Variants in DLG2 observed in about 807,000 individuals in gnomAD.
DLG2 encodes the protein discs large MAGUK scaffold protein 2.
Under a neutral mutation model 132.5 loss-of-function variants are expected in DLG2, and 45 were observed. The ratio of observed to expected loss-of-function variants is 0.34; its 90% CI spans 0.27 to 0.44. DLG2 has a LOEUF of 0.44. Ranked by LOEUF, DLG2 falls within the 20% of genes least tolerant of loss-of-function variation. The pLI is 1.00. For missense variants in DLG2, 1,045 were observed against 1,196.9 expected, an observed-to-expected ratio of 0.87 and a Z score of 1.87; for synonymous variants, 424 against 419.6, an observed-to-expected ratio of 1.01 and a Z score of -0.13.
At chr11:83,533,739 G>T (rs1347883769) in intron 20 of DLG2, among the ~76,000 whole-genome samples, 5 of 152,168 alleles carry the variant, frequency 3.3e-5, no homozygotes, top group Admixed American at 3.3e-4. Flanking sequence ...ATAGGATAGG[G>T]CAGTGAGGCT....
At chr11:85,540,499 T>C (rs2081445) in intron 3 of DLG2, among the ~76,000 whole-genome samples, 34,900 of 151,978 alleles carry the variant, frequency 0.23, 4,439 homozygotes, top group East Asian at 0.41. Context: ...TCCATCCCCC[T>C]CTGGCCTCCC....
rs7945664 is a variant in DLG2, at chr11:83,516,751, C to T, written c.2193+15957G>A. Among the ~76,000 whole-genome samples the T allele has an allele frequency of 9.9e-3, 1,510 of 152,208 alleles. 19 individuals are homozygous for T. Among genetic ancestry groups the T allele is most frequent in the African/African-American group, 0.034 (1,395 of 41,504 alleles). On this transcript the variant is annotated intron_variant, in intron 21 of 27. Coordinates refer to ENST00000376104, the MANE Select transcript of DLG2 (RefSeq NM_001142699.3). ...ACAAAATCTCTCAGCATTTGCTTGT[C>T]TGTAAAGTATTTTATTTCTCCTTCA...
intron 7 of DLG2, among the ~76,000 whole-genome samples, chr11:84,528,933 G>A (rs7933597): frequency 0.9 from 136,998 of 152,294 alleles, 61,734 homozygotes; most frequent in East Asian, 0.95. Context: ...GAGCTCACTC[G>A]TACTAGCTCA....
At chr11:85,306,326 A>G (rs1349014119) in intron 3 of DLG2, among the ~76,000 whole-genome samples, 1 of 152,196 alleles carries the variant, frequency 6.6e-6, no homozygotes, top group African/African-American at 2.4e-5. Context: ...GCAAAGAGAA[A>G]GGGCCTTTCT....
At position 85,372,853 on chromosome 11, in the gene DLG2, C is replaced by G. The variant is rs139313196; in HGVS notation, c.41-87488G>C. Among the ~76,000 whole-genome samples, 141 of 152,278 alleles carry G rather than the reference C, an allele frequency of 9.3e-4. 3 individuals carry two copies. In the East Asian group the frequency reaches 0.025, roughly 27 times the overall value. ...TCTCTCCCTGAAGTACCCCTGGTATCTGTTAGGAAGAGAAGAGAACCAGGG... is the reference window on the plus strand; with the variant it reads ...TCTCTCCCTGAAGTACCCCTGGTATGTGTTAGGAAGAGAAGAGAACCAGGG... On this transcript the variant is annotated intron_variant, in intron 3 of 27. Transcript: ENST00000376104.
chr11:85,495,427 A>T (rs1396775464), intron 3 of DLG2, among the ~76,000 whole-genome samples: 2 of 152,216 alleles, frequency 1.3e-5, no homozygotes, highest in Non-Finnish European at 2.9e-5. Context: ...GAACTTAAAC[A>T]AATTTAAAAG....
intron 8 of DLG2, among the ~76,000 whole-genome samples, chr11:84,182,634 G>C (rs1251917347): frequency 6.6e-6 from 1 of 152,098 alleles, no homozygotes; most frequent in African/African-American, 2.4e-5. Flanking sequence ...AGCATCGAAT[G>C]AATGTATATA....
intron 16 of DLG2, among the ~76,000 whole-genome samples, chr11:83,855,344 GTCCACAAAAAAACCT>G (rs2060365734): frequency 2.6e-5 from 4 of 152,124 alleles, no homozygotes; most frequent in African/African-American, 9.7e-5. Flanking sequence ...GAAAACACAT[GTCCACAAAAAAACCT>G]GCACCTGCAT....
At chr11:85,416,822 T>A (rs952175852) in intron 3 of DLG2, among the ~76,000 whole-genome samples, 6 of 152,230 alleles carry the variant, frequency 3.9e-5, no homozygotes, top group African/African-American at 1.4e-4. Flanking sequence ...AAGTTGCTTA[T>A]GAGCATAAAG....
At chr11:83,677,146 G>A (rs887056132) in intron 18 of DLG2, among the ~76,000 whole-genome samples, 2 of 151,826 alleles carry the variant, frequency 1.3e-5, no homozygotes, top group Admixed American at 1.3e-4. Context: ...ATAATCATAT[G>A]AATGATTCAT....
At chr11:84,798,696 A>C (rs549439990) in intron 6 of DLG2, among the ~76,000 whole-genome samples, 1 of 152,308 alleles carries the variant, frequency 6.6e-6, no homozygotes, top group Admixed American at 6.5e-5. Context: ...CCCTGAGGCC[A>C]GCACATCTCA....
At chr11:85,221,545 T>C (rs902904349) in intron 4 of DLG2, among the ~76,000 whole-genome samples, 1 of 152,242 alleles carries the variant, frequency 6.6e-6, no homozygotes, top group African/African-American at 2.4e-5. Flanking sequence ...TTTCAATTAA[T>C]GTTTTGTTTA....
In DLG2 at chr11:83,522,215, C is replaced by G. The variant is rs1039154178; in HGVS notation, c.2193+10493G>C. 3.3e-5 allele frequency among the ~76,000 whole-genome samples: 5 copies of G among 152,182 alleles called. No homozygotes were observed. The East Asian group carries it at 9.6e-4, about 29-fold the overall frequency. ...TTTTCTTCGGACCCTTTCTTAATTG[C>G]TCTCACATGGAGTAGGCTCTCCCGC... On this transcript the variant is annotated intron_variant, in intron 21 of 27. Coordinates refer to ENST00000376104, the MANE Select transcript of DLG2 (RefSeq NM_001142699.3).
chr11:84,930,930 T>G (rs1052521952), intron 6 of DLG2, among the ~76,000 whole-genome samples: 2 of 152,104 alleles, frequency 1.3e-5, no homozygotes, highest in African/African-American at 4.8e-5. Flanking sequence ...CATTTCCTCA[T>G]TTTCCACACT....
At chr11:83,622,871 T>C (rs527241982) in intron 19 of DLG2, among the ~76,000 whole-genome samples, 31 of 152,354 alleles carry the variant, frequency 2.0e-4, no homozygotes, top group East Asian at 1.2e-3. Context: ...ATCAGAAGAA[T>C]GTATATCCTG....
intron 7 of DLG2, among the ~76,000 whole-genome samples, chr11:84,464,588 CT>C (rs1247927104): frequency 1.3e-5 from 2 of 150,790 alleles, no homozygotes; most frequent in Non-Finnish European, 3.0e-5. Flanking sequence ...GCTTTTTTAT[CT>C]TTTCAGAGCA....
At chr11:85,153,330 T>C (rs1305042428) in intron 5 of DLG2, among the ~76,000 whole-genome samples, 1 of 152,158 alleles carries the variant, frequency 6.6e-6, no homozygotes, top group Non-Finnish European at 1.5e-5. Flanking sequence ...TTCTTAGTTG[T>C]TCCCATAATT....
chr11:84,203,684 C>T (rs1597356725), intron 8 of DLG2, among the ~76,000 whole-genome samples: 1 of 150,946 alleles, frequency 6.6e-6, no homozygotes, highest in East Asian at 1.9e-4. Context: ...AAACAGAAAA[C>T]CAAGCACTAC....
At chr11:85,471,547 T>C (rs558347120) in intron 3 of DLG2, among the ~76,000 whole-genome samples, 1 of 152,176 alleles carries the variant, frequency 6.6e-6, no homozygotes, top group South Asian at 2.1e-4. Context: ...GAATCAAACA[T>C]AAATTCTTGA....
Sources: allele counts gnomAD v4.1 joint callset (sites outside exome capture counted in the v4.1 genomes callset), GRCh38; gene constraint gnomAD v4.1.1; transcripts MANE v1.5; gene names NCBI Gene and HGNC (gene_info 2026-07-23, HGNC 2026-07-21).